YEATS4: variants seen among roughly 807,000 people sequenced by gnomAD.
YEATS4 encodes the protein YEATS domain-containing protein 4.
A neutral mutation model predicts 30.1 loss-of-function variants in YEATS4; 17 were observed. The observed-to-expected ratio is 0.56, with a 90% CI of 0.39 to 0.85. YEATS4 has a LOEUF of 0.85. YEATS4 is among the 40% of genes least tolerant of loss of function. The pLI is 0.00. For missense variants in YEATS4, 142 were observed against 268.3 expected (o/e 0.53, Z 3.29); for synonymous variants, 85 against 87.5 (o/e 0.97, Z 0.16).
chr12:69,410,066 C>A, the YEATS4 span, among the ~76,000 whole-genome samples: 3 of 152,150 alleles, frequency 2.0e-5, no homozygotes, highest in African/African-American at 7.2e-5. Context: ...TTTAAGCCAC[C>A]CAGTCTGTGA....
rs1868304438 is a variant in YEATS4 at position 69,390,449 on chromosome 12, T to C, written c.*133T>C. 2.6e-6 allele frequency: 2 copies of C among 767,262 alleles called. No homozygotes were observed. The highest frequency in any genetic ancestry group is 3.0e-5 in the South Asian group (1 of 33,000). The allele number at this position is 767,262 out of a possible 1,614,324, so 47.5% of individuals were successfully genotyped here. A position where few individuals can be genotyped will look rare whatever the true frequency, so the allele number is the denominator to read the frequency against. On this transcript the variant is annotated 3_prime_UTR_variant, in exon 7 of 7. Coordinates refer to ENST00000247843, the MANE Select transcript of YEATS4 (RefSeq NM_006530.4). The stretch of plus-strand genomic sequence containing the variant: ...ATACAGCTGTTGACCATGAATTTCT[T>C]AGCAATAGGAATTTGTACTATTTAA...
intron 1 of YEATS4, chr12:69,361,489 C>T (rs187556559): frequency 3.3e-5 from 5 of 152,452 alleles, no homozygotes; most frequent in Admixed American, 6.5e-5. Flanking sequence ...GGGGGCTTCT[C>T]CGTGTTGGTC....
chr12:69,395,567 T>C (rs1437173006), downstream of YEATS4, among the ~76,000 whole-genome samples: 1 of 9,754 alleles, frequency 1.0e-4, no homozygotes, highest in Non-Finnish European at 2.0e-4. Flanking sequence ...TTTTAGGGAC[T>C]AACTATCTTC....
intron 4 of YEATS4, 66 bp downstream of exon 4, chr12:69,365,950 C>T (rs1875412035): frequency 8.5e-7 from 1 of 1,175,216 alleles, no homozygotes; most frequent in Admixed American, 2.4e-5. Context: ...TGTAATAATA[C>T]TTAATGAATA....
At chr12:69,417,482 A>G in the YEATS4 span, among the ~76,000 whole-genome samples, 2,026 of 152,102 alleles carry the variant, frequency 0.013, 51 homozygotes, top group African/African-American at 0.046. Context: ...AATTATCAAG[A>G]TCTTGGGTGA....
the YEATS4 span, among the ~76,000 whole-genome samples, chr12:69,424,836 T>C: frequency 6.6e-6 from 1 of 152,196 alleles, no homozygotes; most frequent in Admixed American, 6.5e-5. Flanking sequence ...CCTTTATAAA[T>C]TACCCAGTCT....
intron 6 of YEATS4, among the ~76,000 whole-genome samples, chr12:69,374,843 T>C (rs1448412203): frequency 6.6e-6 from 1 of 152,270 alleles, no homozygotes; most frequent in East Asian, 1.9e-4. Context: ...CCCTTTTCTA[T>C]TCGACAAAAC....
At chr12:69,393,016 A>G (rs1174424258), downstream of YEATS4, among the ~76,000 whole-genome samples, 1 of 152,260 alleles carries the variant, frequency 6.6e-6, no homozygotes, top group Non-Finnish European at 1.5e-5. Flanking sequence ...ATTTTGTTGG[A>G]TGGAATACTA....
chr12:69,394,152 G>A (rs185263565), downstream of YEATS4, among the ~76,000 whole-genome samples: 1 of 152,302 alleles, frequency 6.6e-6, no homozygotes, highest in Non-Finnish European at 1.5e-5. Context: ...CAATAGTAAA[G>A]ACATTTGATT....
the YEATS4 span, among the ~76,000 whole-genome samples, chr12:69,410,525 A>G: frequency 6.6e-6 from 1 of 152,228 alleles, no homozygotes; most frequent in African/African-American, 2.4e-5. Context: ...TGTGCCACAT[A>G]ATTGTTGGAG....
At position 69,390,782 on chromosome 12, in the gene YEATS4, A is replaced by G. The variant is rs868166951; in HGVS notation, c.*466A>G. On this transcript the variant is annotated 3_prime_UTR_variant, in exon 7 of 7. Coordinates refer to ENST00000247843, the MANE Select transcript of YEATS4 (RefSeq NM_006530.4). ...TGTCCAGTAAGTATTCAATAAATGTAGTTTACAGATCCTATTTCTCCCTCC... is the reference window on the plus strand; with the variant it reads ...TGTCCAGTAAGTATTCAATAAATGTGGTTTACAGATCCTATTTCTCCCTCC... The G allele has an allele frequency of 1.3e-5, 2 of 152,298 alleles. No homozygotes were observed. Among genetic ancestry groups the G allele is most frequent in the African/African-American group, 4.8e-5 (2 of 41,466 alleles). 9.4% of individuals were successfully genotyped at this position (152,298 alleles called of 1,614,324 possible). A position where few individuals can be genotyped will look rare whatever the true frequency, so the allele number is the denominator to read the frequency against.
intron 6 of YEATS4, among the ~76,000 whole-genome samples, chr12:69,381,401 C>T (rs1876074554): frequency 6.6e-6 from 1 of 152,186 alleles, no homozygotes; most frequent in Non-Finnish European, 1.5e-5. Context: ...TGCTGTTATC[C>T]TGTTCTTTTT....
the YEATS4 span, among the ~76,000 whole-genome samples, chr12:69,417,602 G>A: frequency 6.6e-6 from 1 of 152,134 alleles, no homozygotes; most frequent in African/African-American, 2.4e-5. Flanking sequence ...GGTTACAGAA[G>A]TCTAATTATT....
At chr12:69,411,215 G>A in the YEATS4 span, among the ~76,000 whole-genome samples, 10 of 152,128 alleles carry the variant, frequency 6.6e-5, no homozygotes, top group African/African-American at 2.2e-4. Flanking sequence ...CTGCAGCCTT[G>A]ACCTCTCTGG....
the YEATS4 span, among the ~76,000 whole-genome samples, chr12:69,420,065 A>C: frequency 2.0e-5 from 3 of 152,188 alleles, no homozygotes; most frequent in Non-Finnish European, 4.4e-5. Flanking sequence ...GTGGTGTGGA[A>C]AAGGTGGGTT....
At chr12:69,405,900 A>C in the YEATS4 span, among the ~76,000 whole-genome samples, 1 of 152,230 alleles carries the variant, frequency 6.6e-6, no homozygotes, top group African/African-American at 2.4e-5. Context: ...CCACCTATTG[A>C]ATTATCTGAT....
the YEATS4 span, among the ~76,000 whole-genome samples, chr12:69,409,431 A>G: frequency 6.6e-6 from 1 of 151,974 alleles, no homozygotes; most frequent in East Asian, 1.9e-4. Context: ...AGCCTGGCCA[A>G]CATGACGAAA....
At chr12:69,413,370 A>C in the YEATS4 span, among the ~76,000 whole-genome samples, 3 of 151,924 alleles carry the variant, frequency 2.0e-5, no homozygotes, top group South Asian at 2.1e-4. Context: ...AAAAAAAAAA[A>C]AAAACTACTA....
intron 6 of YEATS4, among the ~76,000 whole-genome samples, chr12:69,375,519 G>A (rs755352680): frequency 4.6e-5 from 7 of 152,220 alleles, no homozygotes; most frequent in African/African-American, 7.2e-5. Context: ...GGCAGAGGCT[G>A]TAATCTCGGC....
Sources: allele counts gnomAD v4.1 joint callset (sites outside exome capture counted in the v4.1 genomes callset), GRCh38; gene constraint gnomAD v4.1.1; transcripts MANE v1.5; gene names NCBI Gene and HGNC (gene_info 2026-07-23, HGNC 2026-07-21).